ANK3: variants seen among roughly 807,000 people sequenced by gnomAD.
ANK3 encodes ankyrin-3.
In ANK3, 57 loss-of-function variants were observed where a neutral mutation model predicts 370.9. The observed-to-expected ratio is 0.15, with a 90% CI of 0.12 to 0.19. ANK3 has a LOEUF of 0.19. ANK3 is among the 10% of genes least tolerant of loss of function. ANK3 has a pLI of 1.00. For missense variants in ANK3, 4,439 were observed against 5,302.1 expected (o/e 0.84, Z 5.06); for synonymous variants, 1,929 against 1,946.3 (o/e 0.99, Z 0.23).
intron 18 of ANK3, among the ~76,000 whole-genome samples, chr10:60,179,429 T>C (rs1289356177): frequency 2.0e-5 from 3 of 152,186 alleles, no homozygotes; most frequent in Non-Finnish European, 4.4e-5. Context: ...GAACGGTGGC[T>C]CATGCCTGTA....
chr10:60,120,031 C>G (rs145351085), intron 25 of ANK3, among the ~76,000 whole-genome samples: 3 of 152,092 alleles, frequency 2.0e-5, no homozygotes. Context: ...AAGAACAAAA[C>G]TGGAAGAATC....
intron 1 of ANK3, among the ~76,000 whole-genome samples, chr10:60,661,618 C>T (rs1014209141): frequency 2.2e-4 from 34 of 152,116 alleles, no homozygotes; most frequent in African/African-American, 7.0e-4. Flanking sequence ...TCTATTGTCT[C>T]TTTACTTTGG....
chr10:60,186,830 G>A lies in ANK3; in HGVS notation c.1970C>T (p.Ala657Val). Residue 657 changes from alanine (A) to valine (V), a missense_variant, in exon 17 of 44, where the codon GCC becomes GTC. Coordinates refer to ENST00000280772, the MANE Select transcript of ANK3 (RefSeq NM_020987.5). ...AATTCCTTGCCGGGTAACTGCGTTG[G>A]CATCAGCACCATATTCCAGCAGAGT... is the stretch of plus-strand genomic sequence containing the variant. Reference protein sequence around the residue: ...ATTLLEYGADANAVTRQGIAS... With the variant: ...ATTLLEYGADVNAVTRQGIAS... 1.2e-6 allele frequency: 2 copies of A among 1,614,168 alleles called. No individual in the cohort carries two copies. The highest frequency in any genetic ancestry group is 1.1e-5 in the South Asian group (1 of 91,084).
Position 60,279,716 on chromosome 10 carries a change from C to CA in ANK3, c.115-78dup, listed in dbSNP as rs1566211811. ...TTTATAAACTATCCAGCTTAAGGTC[C>CA]AAACTAAAATAATTGAACTCTTTTA... On this transcript the variant is annotated intron_variant, in intron 1 of 43. Transcript: ENST00000280772. 2.8e-6 allele frequency: 3 copies of CA among 1,061,910 alleles called. No homozygotes were observed. In the East Asian group the frequency reaches 7.3e-5, roughly 26 times the overall value. The allele number at this position is 1,061,910 out of a possible 1,614,324, so 65.8% of individuals were successfully genotyped here.
chr10:60,605,500 A>C (rs1357392563), intron 2 of ANK3, among the ~76,000 whole-genome samples: 1 of 152,190 alleles, frequency 6.6e-6, no homozygotes, highest in African/African-American at 2.4e-5. Flanking sequence ...AAGGATTCAT[A>C]AGCATTTATG....
intron 2 of ANK3, among the ~76,000 whole-genome samples, chr10:60,520,475 A>C (rs1349428748): frequency 1.3e-5 from 2 of 152,172 alleles, no homozygotes; most frequent in African/African-American, 4.8e-5. Context: ...GTTCCATTCC[A>C]ATCCATTCAT....
Position 60,557,098 on chromosome 10 carries a change from A to C in ANK3, c.96+58088T>G, listed in dbSNP as rs780037371. Reference sequence around the variant, plus strand: ...ACAAATCTGGTCACTGGTGCCAAAAAATTTGGGGACCACTGTACCATATGA... The same window carrying C: ...ACAAATCTGGTCACTGGTGCCAAAACATTTGGGGACCACTGTACCATATGA... On this transcript the variant is annotated intron_variant, in intron 2 of 43. Coordinates refer to the ANK3 transcript ENST00000373827. 4.5e-4 allele frequency among the ~76,000 whole-genome samples: 69 copies of C among 152,166 alleles called. 1 individual carries two copies. The highest frequency in any genetic ancestry group is 7.2e-4 in the Non-Finnish European group (49 of 68,036).
chr10:60,074,899 C>T lies in ANK3; in HGVS notation c.5982G>A (p.Ser1994=), dbSNP rs148277967. The change falls in exon 37 of 44, where the codon TCG becomes TCA. Residue 1994 remains serine, a synonymous_variant. Coordinates refer to ENST00000280772, the MANE Select transcript of ANK3 (RefSeq NM_020987.5). ...SPEDDWIEFS[S]EEIREARQQA... The stretch of plus-strand genomic sequence containing the variant: ...GTTGTCTGGCTTCCCGGATTTCTTC[C>T]GAACTAAATTCTATCCAGTCATCTT... The T allele has an allele frequency of 5.7e-5, 92 of 1,613,782 alleles. No individual in the cohort carries two copies. Among genetic ancestry groups the T allele is most frequent in the Admixed American group, 2.5e-4 (15 of 59,976 alleles).
chr10:60,713,887 A>C (rs1199767788), intron 1 of ANK3, among the ~76,000 whole-genome samples: 1 of 152,018 alleles, frequency 6.6e-6, no homozygotes, highest in African/African-American at 2.4e-5. Context: ...AAAGAAAAAG[A>C]AAAATTACAA....
chr10:60,027,499 G>C lies in ANK3; in HGVS notation c.*2347C>G, dbSNP rs1315940596. ...TTACTGGGGACAACTCACTCCATTT[G>C]GCAACAATCTTTAATGGACAGGCAA... is the stretch of plus-strand genomic sequence containing the variant. On this transcript the variant is annotated 3_prime_UTR_variant, in exon 44 of 44. Coordinates refer to ENST00000280772, the MANE Select transcript of ANK3 (RefSeq NM_020987.5). 6.6e-6 allele frequency: 1 copy of C among 151,950 alleles called. No homozygotes were observed. Among genetic ancestry groups the C allele is most frequent in the African/African-American group, 2.4e-5 (1 of 41,356 alleles). The allele number at this position is 151,950 out of a possible 1,614,324, so 9.4% of individuals were successfully genotyped here.
intron 2 of ANK3, among the ~76,000 whole-genome samples, chr10:60,505,972 C>T: frequency 6.6e-6 from 1 of 152,070 alleles, no homozygotes. Context: ...AAACAACTTG[C>T]TTCTGCAGCC....
chr10:60,599,206 C>T (rs754233985), intron 2 of ANK3, among the ~76,000 whole-genome samples: 1 of 152,132 alleles, frequency 6.6e-6, no homozygotes, highest in Admixed American at 6.6e-5. Flanking sequence ...GCCGGGATTA[C>T]AGGAATGAGC....
chr10:60,236,064 A>G (rs1479072043), intron 7 of ANK3, among the ~76,000 whole-genome samples: 1 of 152,242 alleles, frequency 6.6e-6, no homozygotes, highest in East Asian at 1.9e-4. Context: ...TTTGGGCAAA[A>G]AAACATAATG....
At chr10:60,496,305 C>A (rs1470820299) in intron 2 of ANK3, among the ~76,000 whole-genome samples, 1 of 152,062 alleles carries the variant, frequency 6.6e-6, no homozygotes, top group African/African-American at 2.4e-5. Context: ...TAGACTTTCC[C>A]GTGTATTAAA....
intron 1 of ANK3, among the ~76,000 whole-genome samples, chr10:60,328,908 A>G (rs957169789): frequency 6.6e-5 from 10 of 152,242 alleles, no homozygotes; most frequent in African/African-American, 2.4e-4. Flanking sequence ...AACCAAATCC[A>G]GTAGCACACC....
intron 12 of ANK3, 136 bp downstream of exon 12, chr10:60,202,866 C>T (rs2132424984): frequency 1.7e-6 from 1 of 582,046 alleles, no homozygotes; most frequent in Non-Finnish European, 2.9e-6. Flanking sequence ...ATGATTGCAC[C>T]ACTGTATTCC....
At chr10:60,053,648 G>A in intron 42 of ANK3, 1 of 1,298,936 alleles carries the variant, frequency 7.7e-7, no homozygotes, top group Non-Finnish European at 1.0e-6. Flanking sequence ...TTGCTGCATG[G>A]AAACAGGTGG....
At chr10:60,059,839 C>G (rs756463710) in intron 40 of ANK3, 1 of 1,614,232 alleles carries the variant, frequency 6.2e-7, no homozygotes. Context: ...GCGGAATGCT[C>G]TATGTTCCCC....
chr10:60,428,965 T>C (rs1348939619), intron 2 of ANK3, among the ~76,000 whole-genome samples: 1 of 152,204 alleles, frequency 6.6e-6, no homozygotes, highest in Non-Finnish European at 1.5e-5. Flanking sequence ...GGGCTGCTTA[T>C]TTTAAATGTC....
Sources: gnomAD v4.1 joint callset for allele counts (sites outside exome capture counted in the v4.1 genomes callset) on GRCh38, gnomAD v4.1.1 for gene constraint, MANE v1.5 for transcripts, NCBI Gene and HGNC (gene_info 2026-07-23, HGNC 2026-07-21) for gene names.